The following ABHD18 variants were observed in gnomAD, a reference collection of about 807,000 sequenced individuals.
ABHD18 encodes cardiolipin-specific deacylase, mitochondrial.
In ABHD18, 55 loss-of-function variants were observed where a neutral mutation model predicts 65.9. The ratio of observed to expected loss-of-function variants is 0.84; its 90% CI spans 0.67 to 1.05. The LOEUF is 1.05. ABHD18 is among the 50% of genes least tolerant of loss of function. ABHD18 has a pLI of 0.00. For synonymous variants in ABHD18, 181 were observed against 180.2 expected, an observed-to-expected ratio of 1.00 and a Z score of -0.04; for missense variants, 533 against 558.5, an observed-to-expected ratio of 0.95 and a Z score of 0.46.
intron 4 of ABHD18, among the ~76,000 whole-genome samples, chr4:127,999,865 G>T (rs1752370824): frequency 6.6e-6 from 1 of 152,114 alleles, no homozygotes; most frequent in African/African-American, 2.4e-5. Flanking sequence ...TTTGCCAAGT[G>T]TATTAGTTTG....
chr4:127,980,376 A>G (rs1216952806), intron 1 of ABHD18, among the ~76,000 whole-genome samples: 2 of 152,106 alleles, frequency 1.3e-5, no homozygotes, highest in African/African-American at 2.4e-5. Flanking sequence ...TCTCTTCTTT[A>G]TAAATTACCC....
intron 7 of ABHD18, among the ~76,000 whole-genome samples, chr4:128,014,154 T>A (rs1310280084): frequency 6.6e-6 from 1 of 151,718 alleles, no homozygotes; most frequent in Admixed American, 6.6e-5. Context: ...CAGCTAATTT[T>A]GTATTTTTAG....
At chr4:127,997,627 T>G (rs1751952528) in intron 4 of ABHD18, among the ~76,000 whole-genome samples, 1 of 152,178 alleles carries the variant, frequency 6.6e-6, no homozygotes, top group Non-Finnish European at 1.5e-5. Flanking sequence ...AGAGTACTGC[T>G]TTCAGCCTTG....
At chr4:128,001,543 AC>A (rs1318021978) in intron 4 of ABHD18, among the ~76,000 whole-genome samples, 1 of 152,164 alleles carries the variant, frequency 6.6e-6, no homozygotes, top group East Asian at 1.9e-4. Flanking sequence ...AGCTTCTGAT[AC>A]TTTTTTCATT....
intron 7 of ABHD18, among the ~76,000 whole-genome samples, chr4:128,013,043 C>A (rs868475828): frequency 7.8e-6 from 1 of 128,762 alleles, no homozygotes. Flanking sequence ...CCAGCCTAGA[C>A]GACAGAGCAA....
Position 127,989,818 on chromosome 4 carries a change from C to T in ABHD18, c.275C>T (p.Ala92Val). The T allele has an allele frequency of 6.4e-7, 1 of 1,553,272 alleles. No homozygotes were observed. Among genetic ancestry groups the T allele is most frequent in the South Asian group, 1.2e-5 (1 of 80,604 alleles). The part of the protein sequence containing the change: ...PDIMPIESVI[A>V]RFQFIVPKEW... Reference sequence around the variant, plus strand: ...ATCATGCCAATTGAATCTGTTATTGCAAGGTAAGAATTTTTTTGTTCAAAA... The same window carrying T: ...ATCATGCCAATTGAATCTGTTATTGTAAGGTAAGAATTTTTTTGTTCAAAA... Residue 92 changes from alanine to valine, a missense_variant, in exon 4 of 13, where the codon GCA becomes GTA. Ala to Val is a moderately conservative substitution (Grantham distance 64). This residue lies in a region of ABHD18 where 309 missense variants were observed against 313.5 expected (regional missense o/e 0.99). Transcript: ENST00000645843.
At chr4:127,990,973 C>T (rs1750816806) in intron 4 of ABHD18, among the ~76,000 whole-genome samples, 1 of 151,998 alleles carries the variant, frequency 6.6e-6, no homozygotes, top group African/African-American at 2.4e-5. Context: ...AAGCGATTCT[C>T]ATGTCTCAGC....
chr4:128,018,884 C>CTG (rs1560911598), intron 8 of ABHD18, among the ~76,000 whole-genome samples: 4 of 151,616 alleles, frequency 2.6e-5, no homozygotes, highest in Non-Finnish European at 5.9e-5. Flanking sequence ...TGTGGTGGCA[C>CTG]GTGCCTGTAA....
At chr4:127,969,937 C>G (rs565905248) in intron 1 of ABHD18, among the ~76,000 whole-genome samples, 14 of 152,108 alleles carry the variant, frequency 9.2e-5, no homozygotes, top group Non-Finnish European at 1.9e-4. Flanking sequence ...TTTGTAGAGA[C>G]AGGGTCTCAT....
At chr4:127,972,832 C>T (rs943305791) in intron 1 of ABHD18, among the ~76,000 whole-genome samples, 6 of 152,002 alleles carry the variant, frequency 3.9e-5, no homozygotes, top group East Asian at 1.9e-4. Flanking sequence ...ATAATTAAGA[C>T]GCATTTCAGA....
chr4:128,001,364 CGA>C lies in ABHD18; in HGVS notation c.279-7555_279-7554del, dbSNP rs1217453443. Among the ~76,000 whole-genome samples, 4 of 152,182 alleles carry C rather than the reference CGA, an allele frequency of 2.6e-5. No homozygotes were observed. The East Asian group carries it at 7.7e-4, about 29-fold the overall frequency. ...AACATGAAGTGATGTTGAATTTTAT[CGA>C]AAGCCTTTTCTGTATCTATTGAGAT... On this transcript the variant is annotated intron_variant, in intron 4 of 12. Transcript: ENST00000645843.
intron 6 of ABHD18, among the ~76,000 whole-genome samples, chr4:128,009,870 G>A (rs1754242721): frequency 6.6e-6 from 1 of 152,170 alleles, no homozygotes; most frequent in African/African-American, 2.4e-5. Flanking sequence ...AAACATGTTT[G>A]TATAGCTTTA....
intron 12 of ABHD18, chr4:128,031,429 C>G (rs1758198270): frequency 6.6e-6 from 1 of 152,122 alleles, no homozygotes; most frequent in African/African-American, 2.4e-5. Flanking sequence ...GATCACGCCA[C>G]TGCACTTCAG....
chr4:128,020,267 GA>G, intron 9 of ABHD18, 98 bp downstream of exon 9: 3 of 816,450 alleles, frequency 3.7e-6, no homozygotes, highest in Non-Finnish European at 6.1e-6. Context: ...GTGATTCAAA[GA>G]AAGAATTATA....
At chr4:127,974,188 G>GTTTTGTTTTTTTTT (rs1560817824) in intron 1 of ABHD18, among the ~76,000 whole-genome samples, 1 of 101,488 alleles carries the variant, frequency 9.9e-6, no homozygotes, top group Non-Finnish European at 2.1e-5. Flanking sequence ...CTTAAGTTCT[G>GTTTTGTTTTTTTTT]TTTTTTTTTT....
intron 9 of ABHD18, among the ~76,000 whole-genome samples, chr4:128,020,626 G>T (rs1478459610): frequency 1.3e-5 from 2 of 152,142 alleles, no homozygotes; most frequent in East Asian, 1.9e-4. Flanking sequence ...AGCAGTTTAG[G>T]TACAGTGACC....
Position 128,021,238 on chromosome 4 carries a change from A to G in ABHD18, c.801A>G (p.Gly267=). 2 of 1,494,250 alleles carry G rather than the reference A, an allele frequency of 1.3e-6. No individual in the cohort carries two copies. The highest frequency in any genetic ancestry group is 1.8e-6 in the Non-Finnish European group (2 of 1,097,310). The allele number at this position is 1,494,250 out of a possible 1,614,324, so 92.6% of individuals were successfully genotyped here. ...EEIIHMLEYC[G]TDSFKMGQEF... ...TTATTCACATGCTTGAATACTGTGG[A>G]GTAAGTATTTCACTTTCCACCCAAC... is the stretch of plus-strand genomic sequence containing the variant. The change falls in exon 10 of 13, where the codon GGA becomes GGG. Residue 267 remains glycine (G), a splice_region_variant and synonymous_variant. Transcript: ENST00000645843.
chr4:128,017,596 T>G lies in ABHD18; in HGVS notation c.609+95T>G, dbSNP rs960675829. 34 of 1,126,278 alleles carry G rather than the reference T, an allele frequency of 3.0e-5. No individual in the cohort carries two copies. The African/African-American group carries it at 5.2e-4, about 17-fold the overall frequency. The allele number at this position is 1,126,278 out of a possible 1,614,324, so 69.8% of individuals were successfully genotyped here. A position where few individuals can be genotyped will look rare whatever the true frequency, so the allele number is the denominator to read the frequency against. ...TTAAAAATTCACTTTAGGTATAGAA[T>G]TAGTTTTAGTAAAAGTAGGAAGCAG... On this transcript the variant is annotated intron_variant, in intron 8 of 12. Coordinates refer to ENST00000645843, the MANE Select transcript of ABHD18 (RefSeq NM_001358451.3).
intron 12 of ABHD18, among the ~76,000 whole-genome samples, chr4:128,033,963 T>TC (rs1208724205): frequency 6.8e-6 from 1 of 147,820 alleles, no homozygotes; most frequent in African/African-American, 2.5e-5. Context: ...TTTTTTCTTT[T>TC]TTTTTTTTTT....
Sources: gnomAD v4.1 joint callset for allele counts (sites outside exome capture counted in the v4.1 genomes callset) on GRCh38, gnomAD v4.1.1 for gene constraint, gnomAD v4.1.1 regional missense constraint, MANE v1.5 for transcripts, NCBI Gene and HGNC (gene_info 2026-07-23, HGNC 2026-07-21) for gene names.